CSMD1: variants seen among roughly 807,000 people sequenced by gnomAD.
The protein encoded by CSMD1 is CUB and sushi domain-containing protein 1.
In CSMD1, 213 loss-of-function variants were observed where a neutral mutation model predicts 417.5. The ratio of observed to expected loss-of-function variants is 0.51; its 90% CI spans 0.46 to 0.57. CSMD1 has a LOEUF of 0.57. CSMD1 is among the 20% of genes least tolerant of loss of function. CSMD1 has a pLI of 0.00. For synonymous variants in CSMD1, 2,862 were observed against 1,736.8 expected (o/e 1.65, Z -16.11); for missense variants, 6,923 against 4,529.7 (o/e 1.53, Z -15.17).
At chr8:4,783,212 G>T (rs1344654023) in intron 1 of CSMD1, among the ~76,000 whole-genome samples, 1 of 152,172 alleles carries the variant, frequency 6.6e-6, no homozygotes, top group Non-Finnish European at 1.5e-5. Flanking sequence ...CATTAAATAA[G>T]AATTGTATTT....
intron 12 of CSMD1, among the ~76,000 whole-genome samples, chr8:3,436,291 T>C (rs917517645): frequency 5.9e-5 from 9 of 152,162 alleles, no homozygotes; most frequent in African/African-American, 2.2e-4. Context: ...ACATCCCATA[T>C]CAGAGGTACA....
intron 23 of CSMD1, among the ~76,000 whole-genome samples, chr8:3,309,347 A>ATTAC (rs1805147739): frequency 6.6e-6 from 1 of 151,874 alleles, no homozygotes; most frequent in Non-Finnish European, 1.5e-5. Context: ...GCGCTCCTGA[A>ATTAC]TTACTGCCGA....
At chr8:4,478,118 C>T (rs182531338) in intron 2 of CSMD1, among the ~76,000 whole-genome samples, 7 of 152,254 alleles carry the variant, frequency 4.6e-5, no homozygotes, top group African/African-American at 7.2e-5. Context: ...CTGGCTGTTA[C>T]GTTCACAGGC....
chr8:3,695,109 T>TGTGTGTGTGTGC (rs1800476154), intron 7 of CSMD1, among the ~76,000 whole-genome samples: 1 of 151,738 alleles, frequency 6.6e-6, no homozygotes, highest in African/African-American at 2.4e-5. Flanking sequence ...TGTGTGTGTG[T>TGTGTGTGTGTGC]GTGTGTGGTT....
intron 3 of CSMD1, among the ~76,000 whole-genome samples, chr8:4,398,990 T>C (rs1804459385): frequency 1.3e-5 from 2 of 152,218 alleles, no homozygotes; most frequent in South Asian, 4.1e-4. Flanking sequence ...TCAAAATTAT[T>C]TACTGAGCAC....
intron 10 of CSMD1, among the ~76,000 whole-genome samples, chr8:3,526,812 A>G (rs763480624): frequency 6.6e-6 from 1 of 152,210 alleles, no homozygotes; most frequent in Non-Finnish European, 1.5e-5. Context: ...CTGGTTATGT[A>G]TGTAACAACC....
chr8:3,508,234 C>T (rs890616287), intron 10 of CSMD1, among the ~76,000 whole-genome samples: 5 of 151,970 alleles, frequency 3.3e-5, no homozygotes, highest in Non-Finnish European at 7.4e-5. Flanking sequence ...ATTTGAGGCA[C>T]TTAAGTGGTG....
At chr8:3,050,025 G>T (rs1005605182) in intron 50 of CSMD1, among the ~76,000 whole-genome samples, 8 of 151,296 alleles carry the variant, frequency 5.3e-5, no homozygotes, top group Admixed American at 4.6e-4. Flanking sequence ...GTCTTTCTCA[G>T]ATAGTATACA....
intron 5 of CSMD1, among the ~76,000 whole-genome samples, chr8:3,993,937 G>C (rs1021977685): frequency 1.3e-5 from 2 of 152,178 alleles, no homozygotes; most frequent in Admixed American, 6.5e-5. Flanking sequence ...AAATGCACCA[G>C]GGATGAAAAC....
intron 3 of CSMD1, among the ~76,000 whole-genome samples, chr8:4,179,268 A>G (rs528503215): frequency 6.6e-6 from 1 of 152,270 alleles, no homozygotes; most frequent in Non-Finnish European, 1.5e-5. Context: ...CTCAGAAATA[A>G]TGCCACGTAT....
intron 1 of CSMD1, among the ~76,000 whole-genome samples, chr8:4,920,108 A>G (rs1231407742): frequency 1.3e-5 from 2 of 152,224 alleles, no homozygotes; most frequent in African/African-American, 4.8e-5. Flanking sequence ...GTTGAGATCA[A>G]TCAAGGTAGG....
chr8:4,356,870 A>G (rs1801461572), intron 3 of CSMD1, among the ~76,000 whole-genome samples: 1 of 152,206 alleles, frequency 6.6e-6, no homozygotes, highest in Non-Finnish European at 1.5e-5. Flanking sequence ...TCTAAAATCT[A>G]GAGGCTGAAA....
intron 43 of CSMD1, 71 bp downstream of exon 43, chr8:3,110,087 G>A (rs898510): frequency 0.28 from 344,966 of 1,243,816 alleles, 49,372 homozygotes; most frequent in African/African-American, 0.33. Flanking sequence ...TTGTATATAA[G>A]TGGCATATGT....
At chr8:4,905,944 A>T (rs941733979) in intron 1 of CSMD1, among the ~76,000 whole-genome samples, 1 of 152,046 alleles carries the variant, frequency 6.6e-6, no homozygotes, top group Non-Finnish European at 1.5e-5. Flanking sequence ...CCAGTTTCCC[A>T]AACCCCCATT....
At chr8:4,160,016 A>G (rs1234868243) in intron 3 of CSMD1, among the ~76,000 whole-genome samples, 1 of 152,080 alleles carries the variant, frequency 6.6e-6, no homozygotes, top group East Asian at 1.9e-4. Flanking sequence ...TGGGTGCACC[A>G]AAATTTCAGA....
In CSMD1 at chr8:3,000,014, G is replaced by A; in HGVS notation, c.8147C>T (p.Ser2716Phe). 6.2e-7 allele frequency: 1 copy of A among 1,607,996 alleles called. No homozygotes were observed. The highest frequency in any genetic ancestry group is 8.5e-7 in the Non-Finnish European group (1 of 1,178,924). ...GTGGTCTTGCAGGCATATCCTCACG[G>A]AAGTTCCCACAAGCCGGAAACCAGG... ...CNPGFRLVGT[S>F]VRICLQDHKW... Residue 2716 changes from serine (S) to phenylalanine (F), a missense_variant, in exon 53 of 70, where the codon TCC (serine) becomes TTC (phenylalanine). Ser to Phe is a radical substitution (Grantham distance 155, BLOSUM62 -2). Coordinates refer to ENST00000635120, the MANE Select transcript of CSMD1 (RefSeq NM_033225.6).
intron 6 of CSMD1, 120 bp downstream of exon 6, chr8:3,753,810 T>C (rs376703782): frequency 3.5e-4 from 217 of 624,380 alleles, no homozygotes; most frequent in African/African-American, 9.8e-4. Context: ...TAACTGTGAA[T>C]AAAAGAATTA....
At chr8:4,140,165 C>T (rs1324882503) in intron 3 of CSMD1, among the ~76,000 whole-genome samples, 1 of 150,238 alleles carries the variant, frequency 6.7e-6, no homozygotes, top group Non-Finnish European at 1.5e-5. Flanking sequence ...CCAGCCTGAG[C>T]AACATAGCAA....
At chr8:3,531,851 G>C (rs1797994917) in intron 10 of CSMD1, among the ~76,000 whole-genome samples, 1 of 152,136 alleles carries the variant, frequency 6.6e-6, no homozygotes, top group African/African-American at 2.4e-5. Flanking sequence ...GGCTACGTGG[G>C]GCCAGGCCGG....
Sources: allele counts gnomAD v4.1 joint callset (sites outside exome capture counted in the v4.1 genomes callset), GRCh38; gene constraint gnomAD v4.1.1; transcripts MANE v1.5; gene names NCBI Gene and HGNC (gene_info 2026-07-23, HGNC 2026-07-21).